Variants in SLC27A3 observed in about 807,000 individuals in gnomAD.
The protein encoded by SLC27A3 is solute carrier family 27 member 3.
SLC27A3 carries 60 observed loss-of-function variants against 60.1 expected under a neutral mutation model. The observed-to-expected ratio is 1.00, with a 90% confidence interval of 0.81 to 1.24. The LOEUF (loss-of-function observed/expected upper bound fraction) is 1.24. Among genes scored for constraint, SLC27A3 ranks in the 50% most tolerant of loss-of-function variants. The pLI is 0.00. For synonymous variants in SLC27A3, 455 were observed against 409.0 expected, an observed-to-expected ratio of 1.11 and a Z score of -1.36; for missense variants, 1,079 against 929.9, an observed-to-expected ratio of 1.16 and a Z score of -2.09.
intron 1 of SLC27A3, 34 bp downstream of exon 1, chr1:153,776,198 G>A: frequency 7.1e-7 from 1 of 1,408,764 alleles, no homozygotes; most frequent in East Asian, 2.7e-5. Context: ...CTAAGGCGGG[G>A]CCAGCCACAG....
chr1:153,777,800 A>G lies in SLC27A3; in HGVS notation c.1076A>G (p.Gln359Arg). Residue 359 changes from glutamine to arginine, a missense_variant, in exon 4 of 10, where the codon CAG (glutamine) becomes CGG (arginine). Transcript: ENST00000624995. Reference protein sequence around the residue: ...VVLKSKFSAGQFWEDCQQHRV... With the variant: ...VVLKSKFSAGRFWEDCQQHRV... The stretch of plus-strand genomic sequence containing the variant: ...CTGAAATCCAAGTTCTCGGCTGGTC[A>G]GTTCTGGGAAGATTGCCAGCAGCAC... 6.2e-7 allele frequency: 1 copy of G among 1,614,170 alleles called. No homozygotes were observed. Among genetic ancestry groups the G allele is most frequent in the Non-Finnish European group, 8.5e-7 (1 of 1,180,016 alleles).
Position 153,777,221 on chromosome 1 carries a change from G to A in SLC27A3, c.1036+1G>A, listed in dbSNP as rs1388310207. The stretch of plus-strand genomic sequence containing the variant: ...GGCATCGTGGGCTGCATGGGCATTG[G>A]TCAGTCTCCCCAACCCCACCTTCAT... On this transcript the variant is annotated splice_donor_variant, in intron 3 of 9. Transcript: ENST00000624995. LOFTEE classifies it high-confidence loss of function. 2.5e-6 allele frequency: 4 copies of A among 1,614,192 alleles called. No individual in the cohort carries two copies. The South Asian group carries it at 3.3e-5, about 13-fold the overall frequency.
At position 153,778,881 on chromosome 1, in the gene SLC27A3, T is replaced by G; in HGVS notation, c.1642T>G (p.Phe548Val). Residue 548 changes from phenylalanine (F) to valine (V), a missense_variant, in exon 7 of 10, where the codon TTC becomes GTC. Phe to Val is a conservative substitution (Grantham distance 50). Coordinates refer to ENST00000624995, the MANE Select transcript of SLC27A3 (RefSeq NM_024330.4). ...LRFHDRTGDT[F>V]RWKGENVATT... ...CTTCCATGATCGTACTGGAGACACC[T>G]TCAGGTATCTGTCCATAACTGGTTT... The G allele has an allele frequency of 6.2e-7, 1 of 1,613,986 alleles. No homozygotes were observed. Among genetic ancestry groups the G allele is most frequent in the Non-Finnish European group, 8.5e-7 (1 of 1,179,834 alleles).
chr1:153,777,984 C>A, intron 4 of SLC27A3, 99 bp downstream of exon 4: 1 of 1,555,868 alleles, frequency 6.4e-7, no homozygotes, highest in Non-Finnish European at 8.7e-7. Flanking sequence ...GGAGAAGCAG[C>A]AAGAAGAAAA....
At chr1:153,776,258 T>C (rs1033035977) in intron 1 of SLC27A3, 94 bp downstream of exon 1, 4 of 1,415,180 alleles carry the variant, frequency 2.8e-6, no homozygotes, top group Admixed American at 6.3e-5. Flanking sequence ...TCCCTGGGCC[T>C]GGGAAGAAGC....
Position 153,776,504 on chromosome 1 carries a change from TCCCACCCTTCTAG to T in SLC27A3, c.668-13_668-1del, listed in dbSNP as rs146427677. ...GAGCCAGGGCCCCGGCGTTGTGCTTTCCCACCCTTCTAGAGTTTCTGGAGTCCCTGGAGCCGGA... is the reference window on the plus strand; with the variant it reads ...GAGCCAGGGCCCCGGCGTTGTGCTTTAGTTTCTGGAGTCCCTGGAGCCGGA... On this transcript the variant is annotated splice_acceptor_variant and splice_polypyrimidine_tract_variant and intron_variant, in intron 1 of 9. Transcript: ENST00000624995. LOFTEE classifies it high-confidence loss of function. The T allele has an allele frequency of 8.7e-6, 14 of 1,610,580 alleles. No homozygotes were observed. The East Asian group carries it at 3.1e-4, about 36-fold the overall frequency.
At chr1:153,779,742 C>A (rs1212212071) in intron 9 of SLC27A3, 84 bp from the exon 10 acceptor site, 2 of 1,345,890 alleles carry the variant, frequency 1.5e-6, no homozygotes, top group Non-Finnish European at 2.1e-6. Flanking sequence ...CCAAGACTTG[C>A]TCCTTAACAA....
chr1:153,775,521 CCTG>C lies in SLC27A3; in HGVS notation c.31_33del (p.Leu13del). The C allele has an allele frequency of 6.2e-7, 1 of 1,612,652 alleles. No individual in the cohort carries two copies. ...CCATGGCTGCCCTCCTGCTGCTGCCCCTGCTGCTGTTGCTACCGCTGCTGCTGC... is the reference window on the plus strand; with the variant it reads ...CCATGGCTGCCCTCCTGCTGCTGCCCCTGCTGTTGCTACCGCTGCTGCTGC... On this transcript the variant is annotated inframe_deletion, in exon 1 of 10. Transcript: ENST00000624995.
At position 153,776,144 on chromosome 1, in the gene SLC27A3, G is replaced by C. The variant is rs1407892136; in HGVS notation, c.647G>C (p.Arg216Pro). Residue 216 changes from arginine to proline, a missense_variant, in exon 1 of 10, where the codon CGC becomes CCC. Arg to Pro is a moderately radical substitution (Grantham distance 103, BLOSUM62 -2). Transcript: ENST00000624995. The stretch of plus-strand genomic sequence containing the variant: ...CACTGCCTCCGCAGCTGCGGCGCGC[G>C]CGCGCTGGTGCTGGCGCCAGGTAAG... Reference protein sequence around the residue: ...LLHCLRSCGARALVLAPEFLE... With the variant: ...LLHCLRSCGAPALVLAPEFLE... 7.0e-6 allele frequency: 10 copies of C among 1,425,144 alleles called. 1 individual carries two copies. The East Asian group carries it at 2.2e-4, about 31-fold the overall frequency. The allele number at this position is 1,425,144 out of a possible 1,614,324, so 88.3% of individuals were successfully genotyped here.
chr1:153,775,898 C>T lies in SLC27A3; in HGVS notation c.401C>T (p.Ala134Val). Residue 134 changes from alanine to valine, a missense_variant, in exon 1 of 10, where the codon GCG (alanine) becomes GTG (valine). Ala to Val is a moderately conservative substitution (Grantham distance 64, BLOSUM62 0). Transcript: ENST00000624995. ...EGSAGEGERA[A>V]PGAGDAAAGS... ...AGCGCTGGAGAAGGCGAGCGGGCAGCGCCGGGAGCCGGAGATGCAGCGGCC... is the reference window on the plus strand; with the variant it reads ...AGCGCTGGAGAAGGCGAGCGGGCAGTGCCGGGAGCCGGAGATGCAGCGGCC... 2 of 1,474,630 alleles carry T rather than the reference C, an allele frequency of 1.4e-6. No individual in the cohort carries two copies. The highest frequency in any genetic ancestry group is 1.8e-6 in the Non-Finnish European group (2 of 1,119,438). The allele number at this position is 1,474,630 out of a possible 1,614,324, so 91.3% of individuals were successfully genotyped here. A position where few individuals can be genotyped will look rare whatever the true frequency, so the allele number is the denominator to read the frequency against.
chr1:153,777,364 AAT>A, intron 3 of SLC27A3, 144 bp downstream of exon 3: 1 of 991,654 alleles, frequency 1.0e-6, no homozygotes, highest in Non-Finnish European at 1.5e-6. Context: ...ACAATAGGGC[AAT>A]GTCACCTGCC....
At chr1:153,779,283 C>T (rs1234192029) in intron 8 of SLC27A3, 60 bp from the exon 9 acceptor site, 2 of 1,613,544 alleles carry the variant, frequency 1.2e-6, no homozygotes, top group African/African-American at 1.3e-5. Context: ...GCGCAGGGAG[C>T]ACGAGGCCTT....
At chr1:153,776,838 C>A in intron 2 of SLC27A3, 111 bp downstream of exon 2, 1 of 1,095,588 alleles carries the variant, frequency 9.1e-7, no homozygotes, top group Non-Finnish European at 1.3e-6. Context: ...ATTTCATTGG[C>A]ACATCCTTTT....
At chr1:153,776,974 C>A in intron 2 of SLC27A3, 88 bp from the exon 3 acceptor site, 1 of 1,442,060 alleles carries the variant, frequency 6.9e-7, no homozygotes, top group South Asian at 1.2e-5. Flanking sequence ...CCGCCTCTTT[C>A]TGTGGGAAAC....
At chr1:153,776,788 C>A in intron 2 of SLC27A3, 61 bp downstream of exon 2, 1 of 1,498,106 alleles carries the variant, frequency 6.7e-7, no homozygotes, top group Non-Finnish European at 9.2e-7. Flanking sequence ...CAGGGGTCTG[C>A]TCCCAGACCA....
chr1:153,776,388 C>A (rs1383114359), intron 1 of SLC27A3, 130 bp from the exon 2 acceptor site: 2 of 1,289,692 alleles, frequency 1.6e-6, no homozygotes, highest in African/African-American at 1.5e-5. Context: ...GGCCTCAGAC[C>A]CAAGATGGAA....
At position 153,778,808 on chromosome 1, in the gene SLC27A3, C is replaced by G. The variant is rs927430340; in HGVS notation, c.1569C>G (p.Phe523Leu). 6.2e-7 allele frequency: 1 copy of G among 1,614,170 alleles called. No homozygotes were observed. Among genetic ancestry groups the G allele is most frequent in the Non-Finnish European group, 8.5e-7 (1 of 1,180,018 alleles). ...ATGTCTTCCGGCCTGGGGATGTTTT[C>G]TTCAACACTGGGGACCTGCTGGTCT... ...LKDVFRPGDV[F>L]FNTGDLLVCD... The change falls in exon 7 of 10, where the codon TTC becomes TTG. Residue 523 changes from phenylalanine to leucine, a missense_variant. Coordinates refer to ENST00000624995, the MANE Select transcript of SLC27A3 (RefSeq NM_024330.4).
intron 4 of SLC27A3, 36 bp downstream of exon 4, chr1:153,777,921 A>T: frequency 6.2e-7 from 1 of 1,613,888 alleles, no homozygotes; most frequent in South Asian, 1.1e-5. Context: ...AGCTGCTGAC[A>T]CAGGGCTAGC....
At position 153,778,208 on chromosome 1, in the gene SLC27A3, G is replaced by A. The variant is rs543932552; in HGVS notation, c.1209G>A (p.Gly403=). ...GHKVRLAVGS[G]LRPDTWERFV... ...AGGTCCGGCTGGCAGTGGGCAGCGG[G>A]CTGCGCCCAGATACCTGGGAGCGTT... Residue 403 remains glycine (G), a synonymous_variant, in exon 5 of 10, where the codon GGG becomes GGA. Coordinates refer to ENST00000624995, the MANE Select transcript of SLC27A3 (RefSeq NM_024330.4). 5.0e-6 allele frequency: 8 copies of A among 1,613,098 alleles called. No individual in the cohort carries two copies. The East Asian group carries it at 1.3e-4, about 27-fold the overall frequency.
Sources: gnomAD v4.1 joint callset for allele counts on GRCh38, gnomAD v4.1.1 for gene constraint, MANE v1.5 for transcripts, NCBI Gene and HGNC (gene_info 2026-07-23, HGNC 2026-07-21) for gene names.